KRI1: variants seen among roughly 807,000 people sequenced by gnomAD.
KRI1 encodes KRI1 homolog.
A neutral mutation model predicts 97.0 loss-of-function variants in KRI1; 83 were observed. The observed-to-expected ratio is 0.86, with a 90% CI of 0.72 to 1.03. The LOEUF is 1.03. KRI1 is among the 50% of genes least tolerant of loss of function. The pLI is 0.00. For missense variants in KRI1, 916 were observed against 928.4 expected, an observed-to-expected ratio of 0.99 and a Z score of 0.17; for synonymous variants, 371 against 363.5, an observed-to-expected ratio of 1.02 and a Z score of -0.23.
chr19:10,553,852 TGA>T lies in KRI1; in HGVS notation c.*97_*98del. On this transcript the variant is annotated 3_prime_UTR_variant, in exon 19 of 19. Transcript: ENST00000312962. Reference sequence around the variant, plus strand: ...GATTACAGGCGTGCCTGGCCACAGATGAGAGGATCTCTGCAGCAGATAGTACT... The same window carrying T: ...GATTACAGGCGTGCCTGGCCACAGATGAGGATCTCTGCAGCAGATAGTACT... 1 of 1,047,122 alleles carries T rather than the reference TGA, an allele frequency of 9.5e-7. No homozygotes were observed. Among genetic ancestry groups the T allele is most frequent in the Non-Finnish European group, 1.3e-6 (1 of 747,044 alleles). 64.9% of individuals were successfully genotyped at this position (1,047,122 alleles called of 1,614,324 possible).
chr19:10,558,847 G>C (rs1473371371), intron 12 of KRI1, among the ~76,000 whole-genome samples: 1 of 148,292 alleles, frequency 6.7e-6, no homozygotes, highest in Non-Finnish European at 1.5e-5. Flanking sequence ...TAGGATTAGA[G>C]GTGCACGCCA....
intron 2 of KRI1, 46 bp from the exon 3 acceptor site, chr19:10,565,080 T>TA (rs780111939): frequency 7.8e-7 from 1 of 1,287,214 alleles, no homozygotes; most frequent in Admixed American, 1.7e-5. Flanking sequence ...AGGGAGATAA[T>TA]AAGAGCCCTG....
In KRI1 at chr19:10,554,280, C is replaced by T. The variant is rs1165742865; in HGVS notation, c.1783G>A (p.Ala595Thr). ...CCTGTGGCTTCCGCAGGTGTCTCTGCCCTGAGGGAGAAAAGTCAGGGCTCA... is the reference window on the plus strand; with the variant it reads ...CCTGTGGCTTCCGCAGGTGTCTCTGTCCTGAGGGAGAAAAGTCAGGGCTCA... ...QVFKSLCREEAETPAEATGKP... is the reference protein window; with the variant it reads ...QVFKSLCREETETPAEATGKP... Residue 595 changes from alanine to threonine, a missense_variant and splice_region_variant, in exon 19 of 19, where the codon GCA (alanine) becomes ACA (threonine). Around this residue, in one of 3 missense-constraint regions of KRI1, gnomAD observed 672 missense variants for 667.2 expected, o/e 1.01. Coordinates refer to ENST00000312962, the MANE Select transcript of KRI1 (RefSeq NM_023008.5). 1 of 1,613,294 alleles carries T rather than the reference C, an allele frequency of 6.2e-7. No homozygotes were observed. Among genetic ancestry groups the T allele is most frequent in the African/African-American group, 1.3e-5 (1 of 74,924 alleles).
intron 18 of KRI1, 130 bp from the exon 19 acceptor site, chr19:10,554,411 G>T: frequency 1.3e-6 from 1 of 767,252 alleles, no homozygotes; most frequent in Non-Finnish European, 2.1e-6. Context: ...CCGAGGGCCT[G>T]CCTGGGATTC....
chr19:10,558,235 C>A lies in KRI1; in HGVS notation c.1199G>T (p.Cys400Phe). 5.0e-6 allele frequency: 8 copies of A among 1,614,094 alleles called. No homozygotes were observed. Among genetic ancestry groups the A allele is most frequent in the Non-Finnish European group, 6.8e-6 (8 of 1,180,002 alleles). The change falls in exon 13 of 19, where the codon TGC (cysteine) becomes TTC (phenylalanine). Residue 400 changes from cysteine (C) to phenylalanine (F), a missense_variant. By Grantham distance (205) the Cys-to-Phe change is radical (BLOSUM62 -2). This residue lies in a region of KRI1 where 672 missense variants were observed against 667.2 expected (regional missense o/e 1.01). Transcript: ENST00000312962. Reference sequence around the variant, plus strand: ...GGCCCCGTAGTACTCGTCCCCAAAGCACTTCTGCAGGGTCAGGGCTGGCGG... The same window carrying A: ...GGCCCCGTAGTACTCGTCCCCAAAGAACTTCTGCAGGGTCAGGGCTGGCGG... ...PAQHDQLMQKCFGDEYYGAVE... is the reference protein window; with the variant it reads ...PAQHDQLMQKFFGDEYYGAVE...
In KRI1 at chr19:10,558,068, C is replaced by T. The variant is rs575441043; in HGVS notation, c.1271-8G>A. On this transcript the variant is annotated splice_polypyrimidine_tract_variant and splice_region_variant and intron_variant, in intron 13 of 18. Transcript: ENST00000312962. The stretch of plus-strand genomic sequence containing the variant: ...TGTCCCAGTTCCAGTCGTCTGGATG[C>T]AGGGAGAACAGACAGGTGGGGCCAG... The T allele has an allele frequency of 2.5e-6, 4 of 1,614,066 alleles. No homozygotes were observed. The East Asian group carries it at 8.9e-5, about 36-fold the overall frequency.
At position 10,559,720 on chromosome 19, in the gene KRI1, C is replaced by A. The variant is rs578261407; in HGVS notation, c.928-12G>T. 6.2e-7 allele frequency: 1 copy of A among 1,614,068 alleles called. No individual in the cohort carries two copies. The highest frequency in any genetic ancestry group is 1.1e-5 in the South Asian group (1 of 91,080). ...GGGTAGGTCTTGACCTAGGCGCAAT[C>A]AGAAAAGCCCACAAGGGCCGCAGAG... On this transcript the variant is annotated splice_polypyrimidine_tract_variant and intron_variant, in intron 10 of 18. Coordinates refer to ENST00000312962, the MANE Select transcript of KRI1 (RefSeq NM_023008.5).
intron 16 of KRI1, among the ~76,000 whole-genome samples, chr19:10,556,438 C>T (rs2144715826): frequency 6.6e-6 from 1 of 152,236 alleles, no homozygotes; most frequent in South Asian, 2.1e-4. Context: ...GAGGCTGAGG[C>T]AGGCAGATCA....
chr19:10,563,611 T>C lies in KRI1; in HGVS notation c.275-774A>G, dbSNP rs568658981. Among the ~76,000 whole-genome samples the C allele has an allele frequency of 8.5e-4, 129 of 152,036 alleles. 1 individual carries two copies. The highest frequency in any genetic ancestry group is 3.4e-3 in the Middle Eastern group (1 of 294). On this transcript the variant is annotated intron_variant, in intron 3 of 18. Transcript: ENST00000312962. ...ATCCTCCCGCCTCAACCTCCCAAAG[T>C]GCTAGGATTACAGGCATGAGCCACC...
At chr19:10,564,160 G>GA (rs1916785986) in intron 3 of KRI1, among the ~76,000 whole-genome samples, 1 of 143,276 alleles carries the variant, frequency 7.0e-6, no homozygotes, top group South Asian at 2.2e-4. Flanking sequence ...AAAAAAAAAA[G>GA]AAAAAAGAAA....
At chr19:10,556,871 C>T (rs1362703805) in intron 16 of KRI1, among the ~76,000 whole-genome samples, 1 of 151,696 alleles carries the variant, frequency 6.6e-6, no homozygotes, top group African/African-American at 2.4e-5. Flanking sequence ...GGCATGGTGG[C>T]ACATGCCTGT....
chr19:10,554,629 T>C (rs769063582), intron 18 of KRI1, among the ~76,000 whole-genome samples: 26 of 152,138 alleles, frequency 1.7e-4, no homozygotes, highest in Non-Finnish European at 3.1e-4. Flanking sequence ...CACTGCAGCC[T>C]CCAACTCCTG....
In KRI1 at chr19:10,554,280, C is replaced by G. The variant is rs1165742865; in HGVS notation, c.1783G>C (p.Ala595Pro). 1 of 1,613,294 alleles carries G rather than the reference C, an allele frequency of 6.2e-7. No homozygotes were observed. The highest frequency in any genetic ancestry group is 1.3e-5 in the African/African-American group (1 of 74,924). The change falls in exon 19 of 19, where the codon GCA becomes CCA. Residue 595 changes from alanine to proline, a missense_variant and splice_region_variant. Coordinates refer to ENST00000312962, the MANE Select transcript of KRI1 (RefSeq NM_023008.5). ...QVFKSLCREE[A>P]ETPAEATGKP... is the part of the protein sequence containing the mutation. ...CCTGTGGCTTCCGCAGGTGTCTCTG[C>G]CCTGAGGGAGAAAAGTCAGGGCTCA...
At chr19:10,559,273 G>GGGATTACAGGCGTGAGCCACCGTGGCCA (rs1891295323) in intron 12 of KRI1, 86 bp downstream of exon 12, 1 of 1,462,196 alleles carries the variant, frequency 6.8e-7, no homozygotes, top group Admixed American at 1.9e-5. Flanking sequence ...CCAAAGTGCT[G>GGGATTACAGGCGTGAGCCACCGTGGCCA]GGATTACAGG....
At chr19:10,565,170 C>T (rs770162193) in intron 2 of KRI1, 136 bp from the exon 3 acceptor site, 9 of 682,162 alleles carry the variant, frequency 1.3e-5, no homozygotes, top group Middle Eastern at 3.6e-4. Context: ...GGTGGTCAAA[C>T]AGCAGGAGGG....
In KRI1 at chr19:10,565,134, G is replaced by A. The variant is rs181096036; in HGVS notation, c.169-100C>T. The stretch of plus-strand genomic sequence containing the variant: ...AGCGTAGGGATTAGGATGGAGGGGG[G>A]TGGATCTGGCTGGGGAGGTCAAACA... On this transcript the variant is annotated intron_variant, in intron 2 of 18. Coordinates refer to ENST00000312962, the MANE Select transcript of KRI1 (RefSeq NM_023008.5). The A allele has an allele frequency of 3.0e-5, 24 of 800,150 alleles. No homozygotes were observed. In the African/African-American group the frequency reaches 3.5e-4, roughly 12 times the overall value. The allele number at this position is 800,150 out of a possible 1,614,324, so 49.6% of individuals were successfully genotyped here.
Position 10,555,278 on chromosome 19 carries a change from C to A in KRI1, c.1682+7G>T, listed in dbSNP as rs747533021. 1 of 1,614,026 alleles carries A rather than the reference C, an allele frequency of 6.2e-7. No homozygotes were observed. Among genetic ancestry groups the A allele is most frequent in the South Asian group, 1.1e-5 (1 of 91,064 alleles). On this transcript the variant is annotated splice_region_variant and intron_variant, in intron 17 of 18. Coordinates refer to ENST00000312962, the MANE Select transcript of KRI1 (RefSeq NM_023008.5). ...GCATGTGGCCCCGCCGCGCCCCGCC[C>A]CATCACCTGTACATGCAGGTCTTCT...
Position 10,559,457 on chromosome 19 carries a change from C to T in KRI1, c.1096G>A (p.Glu366Lys), listed in dbSNP as rs760969040. 44 of 1,613,966 alleles carry T rather than the reference C, an allele frequency of 2.7e-5. No homozygotes were observed. Among genetic ancestry groups the T allele is most frequent in the Non-Finnish European group, 1.5e-5 (18 of 1,180,032 alleles). Residue 366 changes from glutamate (E) to lysine (K), a missense_variant, in exon 12 of 19, where the codon GAG (glutamate) becomes AAG (lysine). By Grantham distance (56) the Glu-to-Lys change is moderately conservative. Around this residue, in one of 3 missense-constraint regions of KRI1, gnomAD observed 672 missense variants for 667.2 expected, o/e 1.01. Transcript: ENST00000312962. ...TTGCCTGTTACTTTCCGCAGCTTCTCCAGCTTGGCCAGAATCTCCTTCCTC... is the reference window on the plus strand; with the variant it reads ...TTGCCTGTTACTTTCCGCAGCTTCTTCAGCTTGGCCAGAATCTCCTTCCTC... Reference protein sequence around the residue: ...LKRKEILAKLEKLRKVTGNEM... With the variant: ...LKRKEILAKLKKLRKVTGNEM...
At chr19:10,556,241 C>G (rs1365459470) in intron 16 of KRI1, among the ~76,000 whole-genome samples, 2 of 152,136 alleles carry the variant, frequency 1.3e-5, no homozygotes, top group African/African-American at 4.8e-5. Flanking sequence ...AGGTTAGTCT[C>G]AGAACTACTG....
Sources: gnomAD v4.1 joint callset for allele counts (sites outside exome capture counted in the v4.1 genomes callset) on GRCh38, gnomAD v4.1.1 for gene constraint, gnomAD v4.1.1 regional missense constraint, MANE v1.5 for transcripts, NCBI Gene and HGNC (gene_info 2026-07-23, HGNC 2026-07-21) for gene names.